FGF13: variants seen among roughly 807,000 people sequenced by gnomAD.
The protein encoded by FGF13 is fibroblast growth factor 13, also known as fibroblast growth factor homologous factor 2.
In FGF13, 2 loss-of-function variants were observed where a neutral mutation model predicts 19.5. The ratio of observed to expected loss-of-function variants is 0.10; its 90% CI spans 0.04 to 0.32. The LOEUF is 0.32. Among genes scored for constraint, FGF13 ranks in the 10% least tolerant of loss-of-function variants. The pLI, the probability that FGF13 is intolerant of heterozygous loss-of-function variation, is 1.00. For missense variants in FGF13, 113 were observed against 192.7 expected (o/e 0.59, Z 2.45); for synonymous variants, 72 against 76.9 (o/e 0.94, Z 0.33).
At chrX:138,774,449 G>A (rs919103446) in intron 3 of FGF13, among the ~76,000 whole-genome samples, 1 of 111,491 alleles carries the variant, frequency 9.0e-6, no homozygotes, top group African/African-American at 3.3e-5. Context: ...GGAAACTGAG[G>A]AATAGAAAAG....
chrX:138,875,751 T>C (rs140750349), intron 1 of FGF13, among the ~76,000 whole-genome samples: 4,131 of 111,352 alleles, frequency 0.037, 96 homozygotes, highest in Non-Finnish European at 0.061. Context: ...AACTGAGTCA[T>C]CAGCTTTTCT....
chrX:138,742,298 G>A (rs1291368313), upstream of FGF13, among the ~76,000 whole-genome samples: 5 of 112,254 alleles, frequency 4.5e-5, no homozygotes, highest in Non-Finnish European at 7.5e-5. Flanking sequence ...TTGAGACTGC[G>A]TGTCCGTCAT....
intron 1 of FGF13, among the ~76,000 whole-genome samples, chrX:139,001,819 C>A (rs2092074716): frequency 9.0e-6 from 1 of 111,677 alleles, no homozygotes; most frequent in Non-Finnish European, 1.9e-5. Context: ...TATCATTTGA[C>A]CCAGCAACCC....
chrX:138,775,328 G>C (rs931614402), intron 3 of FGF13, among the ~76,000 whole-genome samples: 1 of 111,983 alleles, frequency 8.9e-6, no homozygotes, highest in African/African-American at 3.2e-5. Context: ...AATACCATTA[G>C]AAAGTTTACT....
At chrX:139,035,752 G>A (rs900076812) in intron 1 of FGF13, among the ~76,000 whole-genome samples, 3 of 111,128 alleles carry the variant, frequency 2.7e-5, no homozygotes, top group African/African-American at 9.8e-5. Flanking sequence ...GGGCTTAGGA[G>A]GGTTGAGGAG....
At chrX:139,074,370 T>C (rs2092386090) in intron 1 of FGF13, among the ~76,000 whole-genome samples, 1 of 112,204 alleles carries the variant, frequency 8.9e-6, no homozygotes, top group Non-Finnish European at 1.9e-5. Flanking sequence ...GCGCAGCAGA[T>C]AATCTGAGAG....
chrX:138,752,442 T>A lies in FGF13; in HGVS notation c.218-43514A>T, dbSNP rs1052772866. Among the ~76,000 whole-genome samples the A allele has an allele frequency of 4.5e-5, 5 of 111,268 alleles. No homozygotes were observed. The East Asian group carries it at 8.5e-4, about 19-fold the overall frequency. On this transcript the variant is annotated intron_variant, in intron 3 of 6. Coordinates refer to the FGF13 transcript ENST00000436198. ...CTCCATCTCAAAAAAGAAAAAAAAA[T>A]TAGATATGGAAAGAGCATATTGGAA... is the stretch of plus-strand genomic sequence containing the variant.
At chrX:139,028,660 AG>A in intron 1 of FGF13, among the ~76,000 whole-genome samples, 2 of 50,946 alleles carry the variant, frequency 3.9e-5, no homozygotes, top group South Asian at 2.6e-3. Flanking sequence ...TGAGAGAGAG[AG>A]AGAAAGAGAG....
intron 1 of FGF13, among the ~76,000 whole-genome samples, chrX:139,116,114 T>C (rs1037143872): frequency 1.8e-5 from 2 of 112,106 alleles, no homozygotes; most frequent in African/African-American, 6.5e-5. Context: ...TGTTCCCAAA[T>C]GTTCAGTTCA....
intron 1 of FGF13, among the ~76,000 whole-genome samples, chrX:138,960,644 A>G (rs1479884515): frequency 8.9e-6 from 1 of 111,917 alleles, no homozygotes; most frequent in Non-Finnish European, 1.9e-5. Flanking sequence ...TTTCAGGTAC[A>G]CCAATCAAAC....
rs181741156 is a variant in FGF13 at position 139,176,022 on chromosome X, G to A, written c.-113+27394C>T. 3.7e-3 allele frequency among the ~76,000 whole-genome samples: 412 copies of A among 111,657 alleles called. 2 individuals carry two copies. Among genetic ancestry groups the A allele is most frequent in the Non-Finnish European group, 6.5e-3 (343 of 53,034 alleles). On this transcript the variant is annotated intron_variant, in intron 1 of 2. Coordinates refer to the FGF13 transcript ENST00000421460. Reference sequence around the variant, plus strand: ...AATGGTAGAATTAGGCTGTGAATCTGTCTGGTCCTGGGCTTCTTTTGGTTG... The same window carrying A: ...AATGGTAGAATTAGGCTGTGAATCTATCTGGTCCTGGGCTTCTTTTGGTTG...
intron 3 of FGF13, among the ~76,000 whole-genome samples, chrX:138,786,849 C>A (rs1186773610): frequency 8.9e-6 from 1 of 112,228 alleles, no homozygotes; most frequent in Non-Finnish European, 1.9e-5. Context: ...TTAGTTTCTA[C>A]TTTTCAGGTC....
rs769090671 is a variant in FGF13, at chrX:138,903,308, G to T, written c.-112-38658C>A. 3.6e-5 allele frequency among the ~76,000 whole-genome samples: 4 copies of T among 111,539 alleles called. No homozygotes were observed. The South Asian group carries it at 1.5e-3, about 42-fold the overall frequency. ...TGGTCCAGGAAAATGATTTCTTATGGCGTCGAGATGTCTACAACTGTTTAA... is the reference window on the plus strand; with the variant it reads ...TGGTCCAGGAAAATGATTTCTTATGTCGTCGAGATGTCTACAACTGTTTAA... On this transcript the variant is annotated intron_variant, in intron 1 of 2. Transcript: ENST00000421460.
intron 3 of FGF13, among the ~76,000 whole-genome samples, chrX:138,643,963 T>C (rs2089278641): frequency 8.9e-6 from 1 of 112,153 alleles, no homozygotes; most frequent in Admixed American, 9.4e-5. Context: ...AGCTTTCTCA[T>C]TTGTGGCAGT....
chrX:138,699,625 C>A (rs150170384), intron 3 of FGF13, among the ~76,000 whole-genome samples: 3,121 of 112,124 alleles, frequency 0.028, 92 homozygotes, highest in African/African-American at 0.091. Context: ...ACATTGCTGA[C>A]TCTTCTTAAA....
intron 1 of FGF13, among the ~76,000 whole-genome samples, chrX:139,086,292 C>A (rs2083402959): frequency 9.0e-6 from 1 of 110,926 alleles, no homozygotes; most frequent in Non-Finnish European, 1.9e-5. Flanking sequence ...CTACCTACTG[C>A]CCCCCAAACA....
At chrX:138,683,669 C>T (rs2089751609) in intron 3 of FGF13, among the ~76,000 whole-genome samples, 1 of 111,158 alleles carries the variant, frequency 9.0e-6, no homozygotes, top group African/African-American at 3.3e-5. Flanking sequence ...AGTTATATAC[C>T]TTACCATTTT....
At chrX:138,901,270 T>C (rs1281325357) in intron 1 of FGF13, among the ~76,000 whole-genome samples, 1 of 111,815 alleles carries the variant, frequency 8.9e-6, no homozygotes, top group Non-Finnish European at 1.9e-5. Flanking sequence ...AGTTTCAGAA[T>C]TTAGCATCTG....
At chrX:138,952,353 G>A (rs982042178) in intron 1 of FGF13, among the ~76,000 whole-genome samples, 1 of 112,019 alleles carries the variant, frequency 8.9e-6, no homozygotes, top group South Asian at 3.8e-4. Flanking sequence ...AATAAATGGT[G>A]CTGGGAAAAC....
Sources: allele counts gnomAD v4.1 joint callset (sites outside exome capture counted in the v4.1 genomes callset), GRCh38; gene constraint gnomAD v4.1.1; transcripts MANE v1.5; gene names NCBI Gene and HGNC (gene_info 2026-07-23, HGNC 2026-07-21).